MCTP1: variants seen among roughly 807,000 people sequenced by gnomAD.
The protein encoded by MCTP1 is multiple C2 and transmembrane domain containing 1.
In MCTP1, 69 loss-of-function variants were observed where a neutral mutation model predicts 120.6. The observed-to-expected ratio is 0.57, with a 90% CI of 0.47 to 0.70. The LOEUF (loss-of-function observed/expected upper bound fraction) is 0.70. MCTP1 is among the 30% of genes least tolerant of loss of function. The probability of loss-of-function intolerance (pLI) is 0.00; values close to 1 mark genes in which losing one functional copy is unlikely to be tolerated. For synonymous variants in MCTP1, 529 were observed against 493.1 expected (o/e 1.07, Z -0.96); for missense variants, 1,203 against 1,248.8 (o/e 0.96, Z 0.55).
intron 11 of MCTP1, among the ~76,000 whole-genome samples, chr5:94,891,647 TTGTTTGAAGGTTTCATTTC>T (rs1188990369): frequency 6.6e-6 from 1 of 152,040 alleles, no homozygotes; most frequent in Non-Finnish European, 1.5e-5. Flanking sequence ...GTGGTAATTA[TTGTTTGAAGGTTTCATTTC>T]CCCAAGTCAG....
At chr5:94,838,478 C>T (rs255367) in intron 17 of MCTP1, among the ~76,000 whole-genome samples, 116,569 of 152,110 alleles carry the variant, frequency 0.77, 45,735 homozygotes, top group Non-Finnish European at 0.86. Context: ...CTTGGATCTC[C>T]GAGAAGATGC....
At chr5:95,145,853 T>C (rs1048766695) in intron 1 of MCTP1, among the ~76,000 whole-genome samples, 2 of 152,178 alleles carry the variant, frequency 1.3e-5, no homozygotes, top group African/African-American at 4.8e-5. Flanking sequence ...AAGTTTTCTT[T>C]TTTCATGCAT....
intron 1 of MCTP1, among the ~76,000 whole-genome samples, chr5:95,156,249 T>C (rs376463531): frequency 6.6e-6 from 1 of 152,204 alleles, no homozygotes; most frequent in East Asian, 1.9e-4. Context: ...AAGAAATTTA[T>C]GTTAAGTTGC....
Position 94,707,202 on chromosome 5 carries a change from AAT to A in MCTP1, c.*292_*293del, listed in dbSNP as rs1274201306. On this transcript the variant is annotated 3_prime_UTR_variant, in exon 23 of 23. Coordinates refer to ENST00000515393, the MANE Select transcript of MCTP1 (RefSeq NM_024717.7). The stretch of plus-strand genomic sequence containing the variant: ...TTTAATCCACTAGTAATTAGATAAG[AAT>A]ATATCTTCCAGTGTTATCATTCTTA... 2 of 259,424 alleles carry A rather than the reference AAT, an allele frequency of 7.7e-6. No individual in the cohort carries two copies. Among genetic ancestry groups the A allele is most frequent in the African/African-American group, 4.5e-5 (2 of 44,392 alleles). 16.1% of individuals were successfully genotyped at this position (259,424 alleles called of 1,614,324 possible). A position where few individuals can be genotyped will look rare whatever the true frequency, so the allele number is the denominator to read the frequency against.
intron 1 of MCTP1, among the ~76,000 whole-genome samples, chr5:95,044,549 T>C (rs2151934109): frequency 6.6e-6 from 1 of 152,292 alleles, no homozygotes; most frequent in South Asian, 2.1e-4. Context: ...TCTGCTTACT[T>C]GACCTTTCTA....
chr5:95,030,942 G>C (rs1840165650), intron 1 of MCTP1, among the ~76,000 whole-genome samples: 1 of 151,710 alleles, frequency 6.6e-6, no homozygotes. Flanking sequence ...GGATATGAAA[G>C]ACAAGATAGC....
intron 17 of MCTP1, among the ~76,000 whole-genome samples, chr5:94,852,545 A>T (rs1722686868): frequency 6.6e-6 from 1 of 151,966 alleles, no homozygotes; most frequent in African/African-American, 2.4e-5. Context: ...TACTTATCCT[A>T]AGGCTATCTA....
chr5:94,872,334 CA>C (rs1198705974), intron 13 of MCTP1, among the ~76,000 whole-genome samples: 2 of 152,006 alleles, frequency 1.3e-5, no homozygotes, highest in East Asian at 3.9e-4. Context: ...GTCTCCTGAC[CA>C]GGCTTTTATC....
chr5:95,129,122 T>C (rs1395552906), intron 1 of MCTP1, among the ~76,000 whole-genome samples: 1 of 152,232 alleles, frequency 6.6e-6, no homozygotes, highest in Non-Finnish European at 1.5e-5. Context: ...AAGTATCCAG[T>C]GTCTTCAAAA....
chr5:95,202,678 C>G (rs895878590), intron 1 of MCTP1, among the ~76,000 whole-genome samples: 2 of 152,102 alleles, frequency 1.3e-5, no homozygotes, highest in Non-Finnish European at 2.9e-5. Context: ...ATTTACCTTG[C>G]TTGGCACTTA....
chr5:94,817,676 A>T (rs1580840839), intron 17 of MCTP1, among the ~76,000 whole-genome samples: 1 of 152,222 alleles, frequency 6.6e-6, no homozygotes, highest in Non-Finnish European at 1.5e-5. Context: ...TCTGCAATAC[A>T]AGTAAGTTAT....
intron 1 of MCTP1, among the ~76,000 whole-genome samples, chr5:95,255,217 T>C (rs1292493425): frequency 1.3e-5 from 2 of 152,184 alleles, no homozygotes; most frequent in Non-Finnish European, 2.9e-5. Context: ...TTTCTCTATA[T>C]GCAAACTCCT....
Position 95,284,588 on chromosome 5 carries a change from G to T in MCTP1, c.-13C>A. ...CCCGGGGCTCCATCCTCCACCCCCTGCTCCTCCTCTCCCCTCCTCCTCCTC... is the reference window on the plus strand; with the variant it reads ...CCCGGGGCTCCATCCTCCACCCCCTTCTCCTCCTCTCCCCTCCTCCTCCTC... On this transcript the variant is annotated 5_prime_UTR_variant, in exon 1 of 23. Coordinates refer to ENST00000515393, the MANE Select transcript of MCTP1 (RefSeq NM_024717.7). The surrounding 1 kb of genome is among the most constrained non-coding windows in gnomAD (Gnocchi z 5.2). The T allele has an allele frequency of 7.1e-7, 1 of 1,413,200 alleles. No homozygotes were observed. Among genetic ancestry groups the T allele is most frequent in the South Asian group, 1.5e-5 (1 of 64,838 alleles). 87.5% of individuals were successfully genotyped at this position (1,413,200 alleles called of 1,614,324 possible).
At chr5:95,030,184 G>A (rs1421128066) in intron 1 of MCTP1, among the ~76,000 whole-genome samples, 1 of 152,184 alleles carries the variant, frequency 6.6e-6, no homozygotes, top group Non-Finnish European at 1.5e-5. Context: ...AAGTGATAGA[G>A]AAGCAGATCA....
intron 8 of MCTP1, among the ~76,000 whole-genome samples, chr5:94,917,117 A>AT (rs1167851977): frequency 6.6e-6 from 1 of 152,138 alleles, no homozygotes; most frequent in Non-Finnish European, 1.5e-5. Context: ...TTCCTTTATT[A>AT]TTTTTTCTCC....
chr5:94,857,970 AAGAC>A (rs975778596), intron 17 of MCTP1, among the ~76,000 whole-genome samples: 2 of 151,732 alleles, frequency 1.3e-5, no homozygotes, highest in African/African-American at 4.8e-5. Context: ...GCAATTTAGA[AAGAC>A]AGCGATACAA....
At chr5:95,209,863 T>A (rs1260476068) in intron 1 of MCTP1, among the ~76,000 whole-genome samples, 1 of 152,232 alleles carries the variant, frequency 6.6e-6, no homozygotes, top group African/African-American at 2.4e-5. Context: ...GAGATTCTGG[T>A]ATGTTGTGTC....
intron 2 of MCTP1, among the ~76,000 whole-genome samples, chr5:95,001,034 C>T (rs1262632944): frequency 6.6e-6 from 1 of 152,172 alleles, no homozygotes; most frequent in Non-Finnish European, 1.5e-5. Context: ...CCATGCTGTT[C>T]TCACGATAGT....
rs1416181106 is a variant in MCTP1 at position 94,708,446 on chromosome 5, A to G, written c.2928+66T>C. 4.1e-6 allele frequency: 4 copies of G among 971,356 alleles called. No individual in the cohort carries two copies. In the Admixed American group the frequency reaches 8.2e-5, roughly 20 times the overall value. The allele number at this position is 971,356 out of a possible 1,614,324, so 60.2% of individuals were successfully genotyped here. On this transcript the variant is annotated intron_variant, in intron 22 of 22. Coordinates refer to ENST00000515393, the MANE Select transcript of MCTP1 (RefSeq NM_024717.7). ...AAAGCCTTTGAAATTAGAAGGATAT[A>G]AAAGCTAAAACCCCATGCCACACTA...
Sources: allele counts gnomAD v4.1 joint callset (sites outside exome capture counted in the v4.1 genomes callset), GRCh38; gene constraint gnomAD v4.1.1; non-coding constraint Gnocchi (gnomAD v3.1); transcripts MANE v1.5; gene names NCBI Gene and HGNC (gene_info 2026-07-23, HGNC 2026-07-21).